The following ANO2 variants were observed in gnomAD, a reference collection of about 807,000 sequenced individuals.
ANO2 encodes anoctamin 2.
In ANO2, 101 loss-of-function variants were observed where a neutral mutation model predicts 124.2. The ratio of observed to expected loss-of-function variants is 0.81; its 90% confidence interval spans 0.69 to 0.96. The LOEUF (loss-of-function observed/expected upper bound fraction) is 0.96. ANO2 is among the 40% of genes least tolerant of loss of function. The pLI is 0.00. For missense variants in ANO2, 1,293 were observed against 1,274.5 expected, an observed-to-expected ratio of 1.01 and a Z score of -0.22; for synonymous variants, 486 against 482.5, an observed-to-expected ratio of 1.01 and a Z score of -0.09.
rs192307987 is a variant in ANO2 at position 5,872,568 on chromosome 12, C to T, written c.535-18427G>A. ...AGCCTCAAATCATGCTACCTACATGCTGTTTGCACAAACCACTCAGTTCTA... is the reference window on the plus strand; with the variant it reads ...AGCCTCAAATCATGCTACCTACATGTTGTTTGCACAAACCACTCAGTTCTA... On this transcript the variant is annotated intron_variant, in intron 3 of 24. Coordinates refer to ENST00000682330, the MANE Select transcript of ANO2 (RefSeq NM_001364791.2). Among the ~76,000 whole-genome samples the T allele has an allele frequency of 1.6e-3, 251 of 152,326 alleles. 3 individuals are homozygous for T. The highest frequency in any genetic ancestry group is 5.8e-3 in the African/African-American group (240 of 41,578).
chr12:5,848,405 C>A (rs1954755600), intron 4 of ANO2, among the ~76,000 whole-genome samples: 1 of 151,736 alleles, frequency 6.6e-6, no homozygotes, highest in South Asian at 2.1e-4. Flanking sequence ...CCTTTTACAA[C>A]CAAAATTCTT....
rs146620266 is a variant in ANO2 at position 5,598,057 on chromosome 12, T to C, written c.2233+1427A>G. Among the ~76,000 whole-genome samples the C allele has an allele frequency of 5.5e-3, 844 of 152,328 alleles. 5 individuals carry two copies. Among genetic ancestry groups the C allele is most frequent in the African/African-American group, 0.018 (748 of 41,568 alleles). ...TCCCAGGGCTAGGACAATATTTCCATGGCCGTCTGATCTAGACCCTGCCCA... is the reference window on the plus strand; with the variant it reads ...TCCCAGGGCTAGGACAATATTTCCACGGCCGTCTGATCTAGACCCTGCCCA... On this transcript the variant is annotated intron_variant, in intron 20 of 24. Coordinates refer to ENST00000682330, the MANE Select transcript of ANO2 (RefSeq NM_001364791.2).
intron 4 of ANO2, among the ~76,000 whole-genome samples, chr12:5,843,824 A>G (rs1018143597): frequency 1.3e-5 from 2 of 152,204 alleles, no homozygotes; most frequent in African/African-American, 2.4e-5. Context: ...TCAATGGGTT[A>G]ATCAACCTGG....
intron 16 of ANO2, among the ~76,000 whole-genome samples, chr12:5,634,283 G>T (rs1211497915): frequency 6.6e-6 from 1 of 152,158 alleles, no homozygotes; most frequent in Non-Finnish European, 1.5e-5. Flanking sequence ...GAATTCTCCA[G>T]TCATTAGGAG....
chr12:5,827,649 C>A, intron 7 of ANO2, 120 bp downstream of exon 7: 1 of 1,222,724 alleles, frequency 8.2e-7, no homozygotes, highest in Non-Finnish European at 1.2e-6. Flanking sequence ...TAAGCAGCCT[C>A]TCCGTGGGGG....
chr12:5,719,937 C>T (rs1950160822), intron 14 of ANO2, among the ~76,000 whole-genome samples: 1 of 152,202 alleles, frequency 6.6e-6, no homozygotes, highest in African/African-American at 2.4e-5. Flanking sequence ...AGTCTACCTC[C>T]CCCAGAATTT....
chr12:5,797,287 A>T (rs887889600), intron 10 of ANO2, among the ~76,000 whole-genome samples: 1 of 152,100 alleles, frequency 6.6e-6, no homozygotes, highest in Non-Finnish European at 1.5e-5. Flanking sequence ...AAAAGAGAGA[A>T]ATGGTGCTGA....
At position 5,585,755 on chromosome 12, in the gene ANO2, G is replaced by A. The variant is rs544484549; in HGVS notation, c.2234-7237C>T. 3.9e-5 allele frequency among the ~76,000 whole-genome samples: 6 copies of A among 152,226 alleles called. No individual in the cohort carries two copies. The South Asian group carries it at 1.0e-3, about 26-fold the overall frequency. On this transcript the variant is annotated intron_variant, in intron 20 of 24. Transcript: ENST00000682330. The stretch of plus-strand genomic sequence containing the variant: ...CTGTGGTAATGTAGTGCGTGAGTTC[G>A]AAGGGCAATGAAACCAGTCATGATT...
intron 3 of ANO2, among the ~76,000 whole-genome samples, chr12:5,877,085 T>C (rs751208153): frequency 7.9e-5 from 12 of 152,200 alleles, no homozygotes; most frequent in Non-Finnish European, 1.2e-4. Context: ...GAAAAATTCA[T>C]GTCCATGCAG....
intron 14 of ANO2, among the ~76,000 whole-genome samples, chr12:5,665,325 T>C (rs1362175438): frequency 6.6e-6 from 1 of 152,152 alleles, no homozygotes; most frequent in East Asian, 1.9e-4. Context: ...CAAGGACCCA[T>C]TCCCATGGTA....
At chr12:5,590,019 G>A (rs1943316720) in intron 20 of ANO2, among the ~76,000 whole-genome samples, 1 of 151,860 alleles carries the variant, frequency 6.6e-6, no homozygotes, top group African/African-American at 2.4e-5. Flanking sequence ...GGCTGCAAGT[G>A]GCTGTGTTGA....
chr12:5,927,505 C>A (rs1772297902), intron 1 of ANO2, among the ~76,000 whole-genome samples: 1 of 152,218 alleles, frequency 6.6e-6, no homozygotes, highest in Non-Finnish European at 1.5e-5. Flanking sequence ...CTTCCGAAAT[C>A]TCCTTTCTGG....
At chr12:5,813,471 C>A (rs1953500579) in intron 7 of ANO2, among the ~76,000 whole-genome samples, 1 of 152,212 alleles carries the variant, frequency 6.6e-6, no homozygotes, top group South Asian at 2.1e-4. Context: ...TGGCATGGGA[C>A]CTGGACAGCC....
intron 14 of ANO2, among the ~76,000 whole-genome samples, chr12:5,662,199 A>C (rs552428461): frequency 4.9e-4 from 75 of 152,370 alleles, no homozygotes; most frequent in African/African-American, 1.8e-3. Flanking sequence ...TTGATTTTCA[A>C]AGCATCTGCT....
chr12:5,737,294 C>T (rs1244392516), intron 13 of ANO2, among the ~76,000 whole-genome samples: 3 of 152,226 alleles, frequency 2.0e-5, no homozygotes, highest in African/African-American at 7.2e-5. Flanking sequence ...CTTGGCCAGG[C>T]CCCTCTCAGC....
chr12:5,672,045 G>T (rs1948034316), intron 14 of ANO2, among the ~76,000 whole-genome samples: 2 of 152,136 alleles, frequency 1.3e-5, no homozygotes, highest in African/African-American at 4.8e-5. Context: ...TTCTCGCTGA[G>T]GACTGGAAGG....
chr12:5,923,081 T>TACACACACGCATACAC lies in ANO2; in HGVS notation c.23-278_23-277insGTGTATGCGTGTGTGT, dbSNP rs762559906. Among the ~76,000 whole-genome samples the TACACACACGCATACAC allele has an allele frequency of 2.3e-3, 51 of 21,842 alleles. 1 individual carries two copies. The highest frequency in any genetic ancestry group is 6.5e-3 in the East Asian group (2 of 308). 14.3% of individuals were successfully genotyped at this position (21,842 alleles called of 152,430 possible). A position where few individuals can be genotyped will look rare whatever the true frequency, so the allele number is the denominator to read the frequency against. The stretch of plus-strand genomic sequence containing the variant: ...CCACATACACACACACATGCACACA[T>TACACACACGCATACAC]ACACACACACACGCACACACATACA... On this transcript the variant is annotated intron_variant, in intron 1 of 24. Coordinates refer to ENST00000682330, the MANE Select transcript of ANO2 (RefSeq NM_001364791.2).
chr12:5,604,246 T>C (rs1377017022), intron 19 of ANO2, among the ~76,000 whole-genome samples: 5 of 151,988 alleles, frequency 3.3e-5, no homozygotes, highest in African/African-American at 1.2e-4. Context: ...ATGGCTACGA[T>C]AGAGAATACA....
intron 12 of ANO2, among the ~76,000 whole-genome samples, chr12:5,743,347 G>T (rs942420344): frequency 4.6e-5 from 7 of 152,080 alleles, no homozygotes; most frequent in African/African-American, 1.2e-4. Context: ...GGAGCAGGTG[G>T]CTACTCAGAT....
Sources: gnomAD v4.1 joint callset for allele counts (sites outside exome capture counted in the v4.1 genomes callset) on GRCh38, gnomAD v4.1.1 for gene constraint, MANE v1.5 for transcripts, NCBI Gene and HGNC (gene_info 2026-07-23, HGNC 2026-07-21) for gene names.